Variants in PIGL observed in about 807,000 individuals in gnomAD.
PIGL encodes phosphatidylinositol glycan anchor biosynthesis class L.
Under a neutral mutation model 31.1 loss-of-function variants are expected in PIGL, and 22 were observed. That is an observed-to-expected ratio of 0.71 (90% CI 0.51 to 1.01). The LOEUF is 1.01. PIGL is among the 50% of genes least tolerant of loss of function. The pLI, the probability that PIGL is intolerant of heterozygous loss-of-function variation, is 0.00. For synonymous variants in PIGL, 131 were observed against 117.4 expected, an observed-to-expected ratio of 1.12 and a Z score of -0.75; for missense variants, 302 against 315.9, an observed-to-expected ratio of 0.96 and a Z score of 0.33.
chr17:16,238,195 C>CAA (rs529480311), intron 2 of PIGL, among the ~76,000 whole-genome samples: 17 of 57,460 alleles, frequency 3.0e-4, no homozygotes, highest in Non-Finnish European at 4.8e-4. Flanking sequence ...GACTCCGTCT[C>CAA]AAAAAAAAAA....
At chr17:16,270,572 A>T (rs1364629236) in intron 2 of PIGL, among the ~76,000 whole-genome samples, 1 of 152,036 alleles carries the variant, frequency 6.6e-6, no homozygotes, top group Non-Finnish European at 1.5e-5. Flanking sequence ...CCTCCTACCA[A>T]CAAGCATATG....
chr17:16,322,658 G>C (rs2093111058), intron 6 of PIGL, among the ~76,000 whole-genome samples: 1 of 152,060 alleles, frequency 6.6e-6, no homozygotes, highest in Non-Finnish European at 1.5e-5. Flanking sequence ...CTATATTTAT[G>C]AATGCACCTA....
intron 2 of PIGL, among the ~76,000 whole-genome samples, chr17:16,236,929 A>T (rs757966833): frequency 5.9e-5 from 9 of 151,614 alleles, no homozygotes; most frequent in Non-Finnish European, 1.3e-4. Context: ...GCTAAGATGT[A>T]TGTTTTTTAT....
rs1157169209 is a variant in PIGL at position 16,315,708 on chromosome 17, C to CTTTTTTT, written c.495-954_495-948dup. On this transcript the variant is annotated intron_variant, in intron 4 of 6. Transcript: ENST00000225609. The stretch of plus-strand genomic sequence containing the variant: ...CTTTTCTTTCTTTCTTTCTTTCTTT[C>CTTTTTTT]TTTTTTTTTTTTTTTTTTTTTTTTT... Among the ~76,000 whole-genome samples, 47 of 59,004 alleles carry CTTTTTTT rather than the reference C, an allele frequency of 8.0e-4. 1 individual carries two copies. The highest frequency in any genetic ancestry group is 1.1e-3 in the African/African-American group (15 of 13,252). 38.7% of individuals were successfully genotyped at this position (59,004 alleles called of 152,430 possible). A position where few individuals can be genotyped will look rare whatever the true frequency, so the allele number is the denominator to read the frequency against.
intron 6 of PIGL, among the ~76,000 whole-genome samples, chr17:16,320,133 G>A (rs2093096772): frequency 1.3e-5 from 2 of 149,226 alleles, no homozygotes; most frequent in South Asian, 2.1e-4. Flanking sequence ...GAAGGGGAAG[G>A]GGAAAGGGAA....
At chr17:16,270,679 C>A (rs1191902222) in intron 2 of PIGL, among the ~76,000 whole-genome samples, 1 of 151,976 alleles carries the variant, frequency 6.6e-6, no homozygotes, top group Non-Finnish European at 1.5e-5. Flanking sequence ...GGCGGATCAC[C>A]TGAGGCTAGG....
In PIGL at chr17:16,217,309, T is replaced by A. The variant is rs747784112; in HGVS notation, c.83T>A (p.Met28Lys). ...FLWVWDSSER[M>K]KSREQGGRLG... ...TGGGTTTGGGACTCCTCAGAACGAA[T>A]GAAGAGTCGGGAGCAGGGAGGACGG... The change falls in exon 1 of 7, where the codon ATG becomes AAG. Residue 28 changes from methionine (M) to lysine (K), a missense_variant. Transcript: ENST00000225609. 3 of 1,614,010 alleles carry A rather than the reference T, an allele frequency of 1.9e-6. No individual in the cohort carries two copies. The African/African-American group carries it at 4.0e-5, about 22-fold the overall frequency.
chr17:16,287,525 C>T (rs1458235346), intron 2 of PIGL, among the ~76,000 whole-genome samples: 1 of 152,138 alleles, frequency 6.6e-6, no homozygotes, highest in Non-Finnish European at 1.5e-5. Context: ...AGCTGAGACT[C>T]GAATACATTC....
chr17:16,250,544 C>T (rs1250265174), intron 2 of PIGL, among the ~76,000 whole-genome samples: 1 of 152,110 alleles, frequency 6.6e-6, no homozygotes, highest in Non-Finnish European at 1.5e-5. Context: ...AGTCTTTCAG[C>T]CTCTCATCTC....
chr17:16,286,960 G>C (rs1269576444), intron 2 of PIGL, among the ~76,000 whole-genome samples: 3 of 152,330 alleles, frequency 2.0e-5, no homozygotes, highest in African/African-American at 4.8e-5. Context: ...AGCTTCCTAA[G>C]GGAAGGGACC....
chr17:16,326,051 G>A lies in PIGL; in HGVS notation c.*153G>A, dbSNP rs1056456165. ...AGGGAGCCCATGTAGGCCAGGGGCT[G>A]TCCAAACTCCAGCTTCTTCCCCTGG... On this transcript the variant is annotated 3_prime_UTR_variant, in exon 7 of 7. Coordinates refer to ENST00000225609, the MANE Select transcript of PIGL (RefSeq NM_004278.4). The A allele has an allele frequency of 6.8e-6, 4 of 585,306 alleles. No individual in the cohort carries two copies. The highest frequency in any genetic ancestry group is 3.8e-5 in the African/African-American group (2 of 53,272). The allele number at this position is 585,306 out of a possible 1,614,324, so 36.3% of individuals were successfully genotyped here. A position where few individuals can be genotyped will look rare whatever the true frequency, so the allele number is the denominator to read the frequency against.
chr17:16,315,372 C>A (rs3785622), intron 4 of PIGL, among the ~76,000 whole-genome samples: 2 of 152,052 alleles, frequency 1.3e-5, no homozygotes, highest in East Asian at 3.9e-4. Context: ...CTGCCTGTCC[C>A]TCACTGCAAT....
chr17:16,217,778 T>A, intron 1 of PIGL: 1 of 318,638 alleles, frequency 3.1e-6, no homozygotes, highest in Non-Finnish European at 5.9e-6. Flanking sequence ...TTTTTTTATT[T>A]GTAGAAGGAG....
rs911019254 is a variant in PIGL at position 16,281,166 on chromosome 17, T to A, written c.336-18722T>A. On this transcript the variant is annotated intron_variant, in intron 2 of 6. Transcript: ENST00000225609. Reference sequence around the variant, plus strand: ...TTCAGATTATTATTTAAGTAAAAAATTTTTCTAGGAATGCATGGACCCCTG... The same window carrying A: ...TTCAGATTATTATTTAAGTAAAAAAATTTTCTAGGAATGCATGGACCCCTG... Among the ~76,000 whole-genome samples the A allele has an allele frequency of 4.6e-5, 7 of 152,284 alleles. No homozygotes were observed. In the South Asian group the frequency reaches 8.3e-4, roughly 18 times the overall value.
At chr17:16,299,252 C>G (rs1296194821) in intron 2 of PIGL, among the ~76,000 whole-genome samples, 1 of 151,420 alleles carries the variant, frequency 6.6e-6, no homozygotes, top group African/African-American at 2.4e-5. Context: ...GTCAGGAGTT[C>G]AAGACCAGGC....
In PIGL at chr17:16,232,790, A is replaced by G. The variant is rs559842478; in HGVS notation, c.236-1181A>G. Among the ~76,000 whole-genome samples, 5 of 152,114 alleles carry G rather than the reference A, an allele frequency of 3.3e-5. No homozygotes were observed. In the South Asian group the frequency reaches 6.2e-4, roughly 19 times the overall value. ...ACTTAAAAAAAAAAAACGCAAAAAA[A>G]GGTATGATGAGGACAATACAAAACT... On this transcript the variant is annotated intron_variant, in intron 1 of 6. Coordinates refer to ENST00000225609, the MANE Select transcript of PIGL (RefSeq NM_004278.4).
intron 1 of PIGL, among the ~76,000 whole-genome samples, chr17:16,229,858 A>ATTTTTTTTTTTTTTTTTTTTTTTTTT (rs71150280): frequency 1.0e-5 from 1 of 97,700 alleles, no homozygotes; most frequent in Non-Finnish European, 1.8e-5. Context: ...TAAAGTCATG[A>ATTTTTTTTTTTTTTTTTTTTTTTTTT]TTTTTTTTTT....
At chr17:16,238,909 CAAAAA>C (rs892510303) in intron 2 of PIGL, among the ~76,000 whole-genome samples, 3 of 75,366 alleles carry the variant, frequency 4.0e-5, no homozygotes, top group African/African-American at 1.6e-4. Flanking sequence ...GACCCCGTCT[CAAAAA>C]AAAAAAAAAA....
chr17:16,292,062 C>A (rs2092963434), intron 2 of PIGL, among the ~76,000 whole-genome samples: 1 of 126,434 alleles, frequency 7.9e-6, no homozygotes, highest in Admixed American at 8.8e-5. Context: ...TGAGATGGAG[C>A]CTTGCTCTGT....
Sources: gnomAD v4.1 joint callset for allele counts (sites outside exome capture counted in the v4.1 genomes callset) on GRCh38, gnomAD v4.1.1 for gene constraint, MANE v1.5 for transcripts, NCBI Gene and HGNC (gene_info 2026-07-23, HGNC 2026-07-21) for gene names.